ZZZ3: variants seen among roughly 807,000 people sequenced by gnomAD.
ZZZ3 encodes the protein zinc finger ZZ-type containing 3.
Under a neutral mutation model 95.2 loss-of-function variants are expected in ZZZ3, and 22 were observed. That is an observed-to-expected ratio of 0.23 (90% confidence interval 0.17 to 0.33). ZZZ3 has a LOEUF of 0.33. ZZZ3 is among the 10% of genes least tolerant of loss of function. The pLI, the probability that ZZZ3 is intolerant of heterozygous loss-of-function variation, is 1.00. For missense variants in ZZZ3, 885 were observed against 1,066.5 expected (o/e 0.83, Z 2.37); for synonymous variants, 335 against 358.9 (o/e 0.93, Z 0.75).
chr1:77,639,669 C>A (rs1668594271), intron 3 of ZZZ3, 67 bp from the exon 4 acceptor site: 2 of 385,030 alleles, frequency 5.2e-6, no homozygotes, highest in Non-Finnish European at 9.1e-6. Flanking sequence ...TAGATTTACT[C>A]CTTCTATAAT....
rs574063801 is a variant in ZZZ3 at position 77,567,567 on chromosome 1, C to T, written c.2466+765G>A. ...GAGCTCCTTGGCAAAATTTATAAGG[C>T]GGTGCAAGCAGCCTCTAACTACTCT... is the stretch of plus-strand genomic sequence containing the variant. On this transcript the variant is annotated intron_variant, in intron 13 of 14. Coordinates refer to ENST00000370801, the MANE Select transcript of ZZZ3 (RefSeq NM_015534.6). Among the ~76,000 whole-genome samples the T allele has an allele frequency of 5.9e-5, 9 of 152,288 alleles. No individual in the cohort carries two copies. In the East Asian group the frequency reaches 9.6e-4, roughly 16 times the overall value.
chr1:77,653,670 T>C (rs1386892471), intron 1 of ZZZ3, among the ~76,000 whole-genome samples: 2 of 151,672 alleles, frequency 1.3e-5, no homozygotes, highest in African/African-American at 2.4e-5. Context: ...GGAGAATCAC[T>C]TGAACCTGGG....
At chr1:77,616,544 T>A (rs1666332364) in intron 5 of ZZZ3, among the ~76,000 whole-genome samples, 1 of 152,198 alleles carries the variant, frequency 6.6e-6, no homozygotes, top group Non-Finnish European at 1.5e-5. Flanking sequence ...TCACACTTTT[T>A]GCTCTATGCA....
intron 5 of ZZZ3, among the ~76,000 whole-genome samples, chr1:77,605,544 TTCCCC>T (rs1665148343): frequency 6.6e-6 from 1 of 152,178 alleles, no homozygotes; most frequent in Non-Finnish European, 1.5e-5. Context: ...TGCACCACCC[TTCCCC>T]TAACCACAGG....
chr1:77,580,428 A>C (rs1662384305), intron 9 of ZZZ3: 1 of 152,192 alleles, frequency 6.6e-6, no homozygotes, highest in Admixed American at 6.5e-5. Context: ...CATTACAAAA[A>C]CATCTATTTT....
chr1:77,636,152 T>C (rs1668279888), intron 4 of ZZZ3, among the ~76,000 whole-genome samples: 1 of 152,176 alleles, frequency 6.6e-6, no homozygotes, highest in South Asian at 2.1e-4. Flanking sequence ...TCAAAAATAA[T>C]ACTGACAATA....
intron 1 of ZZZ3, among the ~76,000 whole-genome samples, chr1:77,673,604 CAAAT>C (rs1332594457): frequency 2.0e-5 from 3 of 151,916 alleles, no homozygotes; most frequent in African/African-American, 7.3e-5. Context: ...CACACACACA[CAAAT>C]AAAAGTTGCA....
intron 5 of ZZZ3, among the ~76,000 whole-genome samples, chr1:77,610,237 C>T (rs1373629192): frequency 1.3e-5 from 2 of 151,198 alleles, no homozygotes; most frequent in African/African-American, 2.4e-5. Flanking sequence ...AGATAAATTG[C>T]TAGATATAAT....
Position 77,633,086 on chromosome 1 carries a change from G to A in ZZZ3, c.269C>T (p.Ser90Phe), listed in dbSNP as rs1667959621. ...WVSPRKRGLSSSEKDNIERQA... is the reference protein window; with the variant it reads ...WVSPRKRGLSFSEKDNIERQA... ...CCTTTCTATGTTATCCTTTTCTGAA[G>A]AAGAAAGTCCTCTTTTCCTAGGGCT... is the stretch of plus-strand genomic sequence containing the variant. Residue 90 changes from serine (S) to phenylalanine (F), a missense_variant, in exon 5 of 15, where the codon TCT becomes TTT. By Grantham distance (155) the Ser-to-Phe change is radical. This residue lies in a region of ZZZ3 where 556 missense variants were observed against 652.9 expected (regional missense o/e 0.85). Transcript: ENST00000370801. 6.2e-7 allele frequency: 1 copy of A among 1,613,762 alleles called. No homozygotes were observed. Among genetic ancestry groups the A allele is most frequent in the Non-Finnish European group, 8.5e-7 (1 of 1,180,014 alleles).
In ZZZ3 at chr1:77,580,960, GT is replaced by G; in HGVS notation, c.1980+37del. On this transcript the variant is annotated intron_variant, in intron 9 of 14. Transcript: ENST00000370801. Reference sequence around the variant, plus strand: ...TGACTCTGATGTTAACTGTTTACTTGTTTTTTTAAGCCTACACGATTTTGAA... The same window carrying G: ...TGACTCTGATGTTAACTGTTTACTTGTTTTTTAAGCCTACACGATTTTGAA... 4 of 1,559,008 alleles carry G rather than the reference GT, an allele frequency of 2.6e-6. No individual in the cohort carries two copies. The South Asian group carries it at 3.3e-5, about 13-fold the overall frequency.
intron 1 of ZZZ3, among the ~76,000 whole-genome samples, chr1:77,661,823 T>C (rs1391467442): frequency 6.6e-6 from 1 of 152,140 alleles, no homozygotes; most frequent in Non-Finnish European, 1.5e-5. Context: ...ACAAGGAATT[T>C]TTTTTGTTTT....
At chr1:77,566,257 A>G (rs1361563375) in intron 13 of ZZZ3, 76 bp from the exon 14 acceptor site, 3 of 989,170 alleles carry the variant, frequency 3.0e-6, no homozygotes, top group Admixed American at 2.2e-5. Flanking sequence ...AAGGAAACAC[A>G]TGATGTGCAC....
intron 1 of ZZZ3, among the ~76,000 whole-genome samples, chr1:77,660,208 T>C (rs777424973): frequency 1.3e-5 from 2 of 151,324 alleles, no homozygotes; most frequent in African/African-American, 2.4e-5. Flanking sequence ...CTCCCCAATA[T>C]TTTTTTTTAT....
chr1:77,606,976 C>G (rs1343079973), intron 5 of ZZZ3, among the ~76,000 whole-genome samples: 2 of 152,206 alleles, frequency 1.3e-5, no homozygotes, highest in Non-Finnish European at 2.9e-5. Context: ...AAAACAGAAC[C>G]TCACCAAATG....
At chr1:77,576,269 A>T in intron 11 of ZZZ3, 49 bp from the exon 12 acceptor site, 1 of 1,445,800 alleles carries the variant, frequency 6.9e-7, no homozygotes, top group Non-Finnish European at 9.3e-7. Flanking sequence ...AATCATTACA[A>T]GAATCAAAAA....
chr1:77,582,195 A>G, intron 6 of ZZZ3, 69 bp from the exon 7 acceptor site: 1 of 1,459,382 alleles, frequency 6.9e-7, no homozygotes, highest in South Asian at 1.4e-5. Context: ...AATCCACCAC[A>G]GTCAAATTTT....
At position 77,563,850 on chromosome 1, in the gene ZZZ3, T is replaced by C. The variant is rs894470637; in HGVS notation, c.*1790A>G. 7 of 152,162 alleles carry C rather than the reference T, an allele frequency of 4.6e-5. No individual in the cohort carries two copies. The highest frequency in any genetic ancestry group is 1.7e-4 in the African/African-American group (7 of 41,446). 9.4% of individuals were successfully genotyped at this position (152,162 alleles called of 1,614,324 possible). ...ACTTTCCTTCTGTTATGATATATTA[T>C]ATCTATATCATCAGTGATCTTTAAT... On this transcript the variant is annotated 3_prime_UTR_variant, in exon 15 of 15. Transcript: ENST00000370801.
At chr1:77,672,001 A>G (rs376604459) in intron 1 of ZZZ3, among the ~76,000 whole-genome samples, 2 of 152,242 alleles carry the variant, frequency 1.3e-5, no homozygotes, top group South Asian at 2.1e-4. Context: ...GATGATTCAC[A>G]TAACAGGCAC....
intron 5 of ZZZ3, among the ~76,000 whole-genome samples, chr1:77,621,687 C>A (rs556226545): frequency 1.3e-5 from 2 of 151,624 alleles, no homozygotes; most frequent in Non-Finnish European, 2.9e-5. Flanking sequence ...TGTGGTGGTA[C>A]GCACCTGTAG....
Sources: allele counts gnomAD v4.1 joint callset (sites outside exome capture counted in the v4.1 genomes callset), GRCh38; gene constraint gnomAD v4.1.1; regional missense constraint gnomAD v4.1.1; transcripts MANE v1.5; gene names NCBI Gene and HGNC (gene_info 2026-07-23, HGNC 2026-07-21).